INPP4B: variants seen among roughly 807,000 people sequenced by gnomAD.
INPP4B encodes inositol polyphosphate-4-phosphatase type II B.
Under a neutral mutation model 122.5 loss-of-function variants are expected in INPP4B, and 55 were observed. The observed-to-expected ratio is 0.45, with a 90% CI of 0.36 to 0.56. The LOEUF is 0.56. Among genes scored for constraint, INPP4B ranks in the 20% least tolerant of loss-of-function variants. The pLI, the probability that INPP4B is intolerant of heterozygous loss-of-function variation, is 0.00. For synonymous variants in INPP4B, 403 were observed against 388.7 expected (o/e 1.04, Z -0.43); for missense variants, 1,000 against 1,097.7 (o/e 0.91, Z 1.26).
chr4:142,296,988 TTGAAGTTACTTC>T, intron 9 of INPP4B, among the ~76,000 whole-genome samples: 1 of 11,290 alleles, frequency 8.9e-5, no homozygotes, highest in Non-Finnish European at 5.2e-4. Context: ...GAAATGTCAC[TTGAAGTTACTTC>T]ACTTGAAGTT....
intron 2 of INPP4B, among the ~76,000 whole-genome samples, chr4:142,618,476 A>G (rs535282879): frequency 2.6e-4 from 40 of 152,208 alleles, no homozygotes; most frequent in Non-Finnish European, 5.6e-4. Flanking sequence ...GGATATGCCA[A>G]AGGGAAGGCA....
intron 3 of INPP4B, among the ~76,000 whole-genome samples, chr4:142,441,370 A>T (rs1016967945): frequency 6.6e-6 from 1 of 152,222 alleles, no homozygotes; most frequent in African/African-American, 2.4e-5. Context: ...ATCAGAGGTG[A>T]ATTCATGCAA....
intron 1 of INPP4B, among the ~76,000 whole-genome samples, chr4:142,734,841 C>A (rs1452391084): frequency 6.6e-6 from 1 of 152,128 alleles, no homozygotes; most frequent in Non-Finnish European, 1.5e-5. Context: ...GATGGGGTTA[C>A]ACCATGTTGG....
chr4:142,608,528 A>G (rs1741794447), intron 2 of INPP4B, among the ~76,000 whole-genome samples: 1 of 152,138 alleles, frequency 6.6e-6, no homozygotes, highest in African/African-American at 2.4e-5. Flanking sequence ...CATCTCTGTC[A>G]TATTCTCTAC....
At chr4:142,767,130 G>A (rs1352485931) in intron 1 of INPP4B, among the ~76,000 whole-genome samples, 2 of 152,122 alleles carry the variant, frequency 1.3e-5, no homozygotes, top group African/African-American at 2.4e-5. Flanking sequence ...GCCCTCCAAT[G>A]TGAGATTTTA....
At chr4:142,635,585 T>C (rs544523736) in intron 2 of INPP4B, among the ~76,000 whole-genome samples, 1 of 152,154 alleles carries the variant, frequency 6.6e-6, no homozygotes, top group Admixed American at 6.6e-5. Context: ...AGGCTATTAT[T>C]TTTAGCAAAA....
intron 2 of INPP4B, among the ~76,000 whole-genome samples, chr4:142,710,029 C>G (rs1303923831): frequency 6.6e-6 from 1 of 152,146 alleles, no homozygotes; most frequent in African/African-American, 2.4e-5. Flanking sequence ...CTAGTATATG[C>G]CAAGCACTGC....
At chr4:142,494,232 G>C in intron 2 of INPP4B, among the ~76,000 whole-genome samples, 1 of 152,118 alleles carries the variant, frequency 6.6e-6, no homozygotes, top group East Asian at 1.9e-4. Context: ...CATGAAAACA[G>C]ACTAATACAT....
intron 2 of INPP4B, among the ~76,000 whole-genome samples, chr4:142,709,117 TG>T (rs1285082786): frequency 6.6e-6 from 1 of 152,200 alleles, no homozygotes; most frequent in Non-Finnish European, 1.5e-5. Context: ...TGGACTTGCC[TG>T]GGGCCTGTAG....
In INPP4B at chr4:142,146,062, A is replaced by T. The variant is rs1810539408; in HGVS notation, c.1564-66T>A. ...AAACAAGATAAGGCAAAGTCGGATA[A>T]ATCTATTTTAGAGAAGCATTTGGAA... On this transcript the variant is annotated intron_variant, in intron 17 of 25. Coordinates refer to ENST00000262992, the MANE Select transcript of INPP4B (RefSeq NM_001101669.3). 1.9e-6 allele frequency: 3 copies of T among 1,544,804 alleles called. No individual in the cohort carries two copies. In the Admixed American group the frequency reaches 5.5e-5, roughly 28 times the overall value.
chr4:142,254,958 G>C (rs997017765), intron 11 of INPP4B, among the ~76,000 whole-genome samples: 1 of 152,106 alleles, frequency 6.6e-6, no homozygotes, highest in Non-Finnish European at 1.5e-5. Context: ...CAGAGAGAAA[G>C]GTCGGGTTAC....
chr4:142,584,975 G>C (rs933951230), intron 2 of INPP4B, among the ~76,000 whole-genome samples: 3 of 152,062 alleles, frequency 2.0e-5, no homozygotes, highest in Non-Finnish European at 2.9e-5. Context: ...ACTTCATTTT[G>C]TTGCTAAAAT....
intron 1 of INPP4B, among the ~76,000 whole-genome samples, chr4:142,799,470 C>T (rs1777734402): frequency 6.6e-6 from 1 of 151,690 alleles, no homozygotes; most frequent in Non-Finnish European, 1.5e-5. Flanking sequence ...TACAACACAG[C>T]TAATATTTTG....
At chr4:142,048,181 A>G (rs1199144238) in intron 25 of INPP4B, among the ~76,000 whole-genome samples, 1 of 152,100 alleles carries the variant, frequency 6.6e-6, no homozygotes, top group Non-Finnish European at 1.5e-5. Flanking sequence ...GTAGAGATAT[A>G]GAATTTGAAT....
intron 3 of INPP4B, among the ~76,000 whole-genome samples, chr4:142,432,603 C>T (rs767125563): frequency 6.6e-6 from 1 of 151,668 alleles, no homozygotes. Context: ...TTTTTTTTAC[C>T]ATTAAATTTA....
intron 22 of INPP4B, among the ~76,000 whole-genome samples, chr4:142,108,480 T>C (rs1788297131): frequency 1.3e-5 from 2 of 152,174 alleles, no homozygotes; most frequent in South Asian, 4.1e-4. Flanking sequence ...ATAATTGATA[T>C]TAGCTTCCCT....
chr4:142,074,582 A>G (rs897866170), intron 25 of INPP4B, among the ~76,000 whole-genome samples: 1 of 152,110 alleles, frequency 6.6e-6, no homozygotes, highest in African/African-American at 2.4e-5. Context: ...GAGAATGTCT[A>G]TTACACTATT....
Position 142,034,913 on chromosome 4 carries a change from C to T in INPP4B, c.2643-5999G>A, listed in dbSNP as rs17465986. ...TAAACCCTCCTGGCTGGGGCACCCT[C>T]ATCCCTGTGTGTACCAATTCTATCA... On this transcript the variant is annotated intron_variant, in intron 25 of 25. Coordinates refer to ENST00000262992, the MANE Select transcript of INPP4B (RefSeq NM_001101669.3). 9.9e-3 allele frequency among the ~76,000 whole-genome samples: 1,514 copies of T among 152,234 alleles called. 16 individuals are homozygous for T. The highest frequency in any genetic ancestry group is 0.016 in the Non-Finnish European group (1,085 of 68,020).
Position 142,810,709 on chromosome 4 carries a change from G to A in INPP4B, c.-254+35500C>T, listed in dbSNP as rs893168087. Among the ~76,000 whole-genome samples, 15 of 152,254 alleles carry A rather than the reference G, an allele frequency of 9.9e-5. No homozygotes were observed. In the South Asian group the frequency reaches 1.9e-3, roughly 19 times the overall value. On this transcript the variant is annotated intron_variant, in intron 1 of 25. Coordinates refer to ENST00000262992, the MANE Select transcript of INPP4B (RefSeq NM_001101669.3). ...TATACAGTTGACTAACTTGTAAGCC[G>A]TATGCTCATACTGTAGGTATGGTCA...
Sources: allele counts gnomAD v4.1 joint callset (sites outside exome capture counted in the v4.1 genomes callset), GRCh38; gene constraint gnomAD v4.1.1; transcripts MANE v1.5; gene names NCBI Gene and HGNC (gene_info 2026-07-23, HGNC 2026-07-21).